IGFBPL1: variants seen among roughly 807,000 people sequenced by gnomAD.
IGFBPL1 encodes the protein insulin-like growth factor-binding protein-like 1.
IGFBPL1 carries 20 observed loss-of-function variants against 23.9 expected under a neutral mutation model. The observed-to-expected ratio is 0.84, with a 90% CI of 0.59 to 1.22. IGFBPL1 has a LOEUF of 1.22. Among genes scored for constraint, IGFBPL1 ranks in the 50% most tolerant of loss-of-function variants. The pLI, the probability that IGFBPL1 is intolerant of heterozygous loss-of-function variation, is 0.00. For synonymous variants in IGFBPL1, 184 were observed against 171.8 expected (o/e 1.07, Z -0.56); for missense variants, 436 against 379.3 (o/e 1.15, Z -1.24).
At chr9:38,420,554 C>T (rs1205337543) in intron 1 of IGFBPL1, among the ~76,000 whole-genome samples, 1 of 152,212 alleles carries the variant, frequency 6.6e-6, no homozygotes, top group African/African-American at 2.4e-5. Context: ...GCGAGGCAGG[C>T]CAGGCATGGT....
intron 1 of IGFBPL1, among the ~76,000 whole-genome samples, chr9:38,417,542 T>C (rs1821617812): frequency 6.6e-6 from 1 of 152,176 alleles, no homozygotes. Flanking sequence ...TGCTTAGGGA[T>C]TGTGTTGGGG....
chr9:38,419,566 C>A (rs967027708), intron 1 of IGFBPL1, among the ~76,000 whole-genome samples: 2 of 152,116 alleles, frequency 1.3e-5, no homozygotes. Context: ...GGGCTCAATG[C>A]CCTGGCGGGT....
In IGFBPL1 at chr9:38,407,867, C is replaced by T. The variant is rs1254304787; in HGVS notation, c.*1360G>A. Among the ~76,000 whole-genome samples the T allele has an allele frequency of 6.6e-6, 1 of 152,060 alleles. No individual in the cohort carries two copies. Among genetic ancestry groups the T allele is most frequent in the African/African-American group, 2.4e-5 (1 of 41,392 alleles). On this transcript the variant is annotated 3_prime_UTR_variant, in exon 5 of 5. Transcript: ENST00000377694. ...AAGGACTGTGCATAGTAAGGGCTCT[C>T]AATTCTTATTTTAAAATTGTAATCA...
chr9:38,412,599 C>T (rs1225318904), intron 3 of IGFBPL1, among the ~76,000 whole-genome samples: 1 of 152,202 alleles, frequency 6.6e-6, no homozygotes, highest in Non-Finnish European at 1.5e-5. Flanking sequence ...TAACAAATCG[C>T]CACAAGCTGA....
At chr9:38,414,894 T>C (rs987523023) in intron 1 of IGFBPL1, among the ~76,000 whole-genome samples, 1 of 151,998 alleles carries the variant, frequency 6.6e-6, no homozygotes, top group African/African-American at 2.4e-5. Flanking sequence ...GGACCCAGTG[T>C]TAGATGTTTC....
At position 38,413,264 on chromosome 9, in the gene IGFBPL1, AG is replaced by A; in HGVS notation, c.659del (p.Ser220LeufsTer10). On this transcript the variant is annotated frameshift_variant, in exon 3 of 5. Transcript: ENST00000377694. LOFTEE classifies it high-confidence loss of function. ...NIAVQVRGGP[S>X]DHEATAWILI... ...AAATCCAGGCCGTGGCCTCATGGTC[AG>A]AAGGGCCCCCTCGCACTTGGACAGC... is the stretch of plus-strand genomic sequence containing the variant. 1 of 1,613,766 alleles carries A rather than the reference AG, an allele frequency of 6.2e-7. No homozygotes were observed. Among genetic ancestry groups the A allele is most frequent in the Non-Finnish European group, 8.5e-7 (1 of 1,179,684 alleles).
At chr9:38,416,481 G>T (rs1027863444) in intron 1 of IGFBPL1, among the ~76,000 whole-genome samples, 3 of 152,038 alleles carry the variant, frequency 2.0e-5, no homozygotes, top group African/African-American at 7.2e-5. Context: ...ACATTAAAGG[G>T]ACATTTAAAT....
chr9:38,414,778 C>T (rs1454043993), intron 1 of IGFBPL1, among the ~76,000 whole-genome samples: 1 of 152,172 alleles, frequency 6.6e-6, no homozygotes, highest in Non-Finnish European at 1.5e-5. Context: ...CCTCCCCATC[C>T]CCAGAAGCCG....
chr9:38,413,038 T>C (rs989556336), intron 3 of IGFBPL1, among the ~76,000 whole-genome samples, 199 bp downstream of exon 3: 3 of 152,184 alleles, frequency 2.0e-5, no homozygotes, highest in Admixed American at 6.5e-5. Flanking sequence ...GACATCACTG[T>C]GGGGCCATCA....
chr9:38,423,910 C>T, intron 1 of IGFBPL1, 55 bp downstream of exon 1: 1 of 1,313,556 alleles, frequency 7.6e-7, no homozygotes, highest in Non-Finnish European at 9.7e-7. Flanking sequence ...GCTCCACACC[C>T]CAGAGGGTTG....
intron 2 of IGFBPL1, 61 bp downstream of exon 2, chr9:38,414,033 T>TCACACACACA (rs3045140): frequency 0.15 from 112,037 of 749,014 alleles, 3,664 homozygotes; most frequent in Non-Finnish European, 0.17. Flanking sequence ...TCCCTCTTTC[T>TCACACACACA]CACACACACA....
Position 38,413,322 on chromosome 9 carries a change from A to C in IGFBPL1, c.602T>G (p.Leu201Arg), listed in dbSNP as rs181145018. ...VTKSPEGTQA[L>R]EELPGDHVNI... is the part of the protein sequence containing the mutation. ...GACATGGTCCCCAGGCAGCTCCTCC[A>C]GTGCTTGGGTGCCCTCAGGGGACTT... The change falls in exon 3 of 5, where the codon CTG becomes CGG. Residue 201 changes from leucine (L) to arginine (R), a missense_variant. By Grantham distance (102) the Leu-to-Arg change is moderately radical. Transcript: ENST00000377694. The C allele has an allele frequency of 2.0e-4, 320 of 1,613,754 alleles. No individual in the cohort carries two copies. The highest frequency in any genetic ancestry group is 1.5e-3 in the Admixed American group (87 of 59,994).
At chr9:38,410,957 A>T (rs559791581) in intron 4 of IGFBPL1, among the ~76,000 whole-genome samples, 3 of 152,364 alleles carry the variant, frequency 2.0e-5, no homozygotes, top group Non-Finnish European at 2.9e-5. Flanking sequence ...AGCCCCAGGA[A>T]GGAAGCTCAG....
rs557034619 is a variant in IGFBPL1, at chr9:38,408,823, G to A, written c.*404C>T. The stretch of plus-strand genomic sequence containing the variant: ...ACACAGCAAGTTACAGTCAGGCAGA[G>A]GACAGCTGGGACCCTCATCCCTCCT... On this transcript the variant is annotated 3_prime_UTR_variant, in exon 5 of 5. Transcript: ENST00000377694. Among the ~76,000 whole-genome samples, 2 of 152,258 alleles carry A rather than the reference G, an allele frequency of 1.3e-5. No individual in the cohort carries two copies. Among genetic ancestry groups the A allele is most frequent in the East Asian group, 3.9e-4 (2 of 5,172 alleles).
intron 1 of IGFBPL1, among the ~76,000 whole-genome samples, chr9:38,415,848 C>T (rs1004011803): frequency 1.2e-4 from 18 of 152,172 alleles, no homozygotes; most frequent in Non-Finnish European, 1.5e-5. Flanking sequence ...GAGTTGAATA[C>T]AGACTGCCCT....
At chr9:38,410,301 T>C (rs978829495) in intron 4 of IGFBPL1, among the ~76,000 whole-genome samples, 1 of 151,748 alleles carries the variant, frequency 6.6e-6, no homozygotes, top group African/African-American at 2.4e-5. Flanking sequence ...GCTAACACGG[T>C]GAAACCCCGT....
intron 2 of IGFBPL1, among the ~76,000 whole-genome samples, chr9:38,413,887 G>A (rs981440298): frequency 6.6e-6 from 1 of 152,142 alleles, no homozygotes; most frequent in African/African-American, 2.4e-5. Context: ...TCCAAGGGGA[G>A]AGGTTTGGGG....
At position 38,424,124 on chromosome 9, in the gene IGFBPL1, C is replaced by A; in HGVS notation, c.301G>T (p.Glu101Ter). The A allele has an allele frequency of 7.9e-7, 1 of 1,268,338 alleles. No individual in the cohort carries two copies. The highest frequency in any genetic ancestry group is 2.8e-4 in the Middle Eastern group (1 of 3,620). 78.6% of individuals were successfully genotyped at this position (1,268,338 alleles called of 1,614,324 possible). A position where few individuals can be genotyped will look rare whatever the true frequency, so the allele number is the denominator to read the frequency against. ...CASQAAGAAPEGTGLCVCAQR... is the reference protein window; with the variant it reads ...CASQAAGAAP ...GCGCACACGCAGAGCCCGGTGCCCT[C>A]GGGCGCTGCCCCAGCGGCCTGGCTC... Residue 101 changes from glutamate to a stop codon, truncating the protein, a stop_gained, in exon 1 of 5, where the codon GAG (glutamate) becomes TAG (stop). Coordinates refer to ENST00000377694, the MANE Select transcript of IGFBPL1 (RefSeq NM_001007563.3). LOFTEE classifies it high-confidence loss of function.
chr9:38,409,789 T>G (rs1431151617), intron 4 of IGFBPL1, among the ~76,000 whole-genome samples: 1 of 152,206 alleles, frequency 6.6e-6, no homozygotes, highest in Non-Finnish European at 1.5e-5. Flanking sequence ...TACATTTTCA[T>G]ATTTTTCTCC....
Sources: gnomAD v4.1 joint callset for allele counts (sites outside exome capture counted in the v4.1 genomes callset) on GRCh38, gnomAD v4.1.1 for gene constraint, MANE v1.5 for transcripts, NCBI Gene and HGNC (gene_info 2026-07-23, HGNC 2026-07-21) for gene names.